Variants in GALNT13 observed in about 807,000 individuals in gnomAD.
The protein encoded by GALNT13 is UDP-GalNAc:polypeptide N-acetylgalactosaminyltransferase 13.
In GALNT13, 28 loss-of-function variants were observed where a neutral mutation model predicts 64.2. The observed-to-expected ratio is 0.44, with a 90% CI of 0.32 to 0.60. The LOEUF (loss-of-function observed/expected upper bound fraction) is 0.60, where lower values mean the gene tolerates loss of function less well. Among genes scored for constraint, GALNT13 ranks in the 20% least tolerant of loss-of-function variants. GALNT13 has a pLI of 0.05. For synonymous variants in GALNT13, 214 were observed against 224.6 expected (o/e 0.95, Z 0.42); for missense variants, 577 against 669.8 (o/e 0.86, Z 1.53).
chr2:153,858,414 A>C, the GALNT13 span, among the ~76,000 whole-genome samples: 1 of 152,150 alleles, frequency 6.6e-6, no homozygotes, highest in Admixed American at 6.6e-5. Flanking sequence ...GTTTAATAAT[A>C]GATTCAAGGA....
At chr2:154,032,810 AAGCTC>A (rs1252298949) in intron 3 of GALNT13, among the ~76,000 whole-genome samples, 1 of 151,278 alleles carries the variant, frequency 6.6e-6, no homozygotes, top group Non-Finnish European at 1.5e-5. Context: ...TATTAGTGGA[AAGCTC>A]AGTGCTTTTC....
intron 6 of GALNT13, among the ~76,000 whole-genome samples, chr2:154,244,835 G>A (rs1689687812): frequency 6.6e-6 from 1 of 152,022 alleles, no homozygotes; most frequent in African/African-American, 2.4e-5. Flanking sequence ...AAGAAAAATG[G>A]GATAGGCCAG....
the GALNT13 span, among the ~76,000 whole-genome samples, chr2:153,803,186 C>T: frequency 2.6e-5 from 4 of 152,168 alleles, no homozygotes; most frequent in South Asian, 2.1e-4. Context: ...ACCCCATGTC[C>T]GAAATTCAGA....
chr2:153,866,413 T>C, the GALNT13 span, among the ~76,000 whole-genome samples: 561 of 152,286 alleles, frequency 3.7e-3, 5 homozygotes, highest in African/African-American at 0.013. Flanking sequence ...CCTCCCTTTA[T>C]AAACAAATAA....
At chr2:153,281,179 A>G in the GALNT13 span, among the ~76,000 whole-genome samples, 1 of 150,378 alleles carries the variant, frequency 6.6e-6, no homozygotes, top group Admixed American at 6.6e-5. Context: ...AAGAATAGTG[A>G]CTCCTGGTAT....
intron 8 of GALNT13, among the ~76,000 whole-genome samples, chr2:154,274,461 C>T (rs1226168857): frequency 2.6e-5 from 4 of 152,136 alleles, no homozygotes; most frequent in Non-Finnish European, 4.4e-5. Context: ...CAAATCTCAT[C>T]TTGAATTGTA....
chr2:154,274,856 G>C (rs1300033328), intron 8 of GALNT13, among the ~76,000 whole-genome samples: 3 of 152,110 alleles, frequency 2.0e-5, no homozygotes, highest in African/African-American at 7.2e-5. Flanking sequence ...CAGAAGACAG[G>C]AAGATGTGGG....
At chr2:154,400,055 G>A (rs773900458) in intron 10 of GALNT13, among the ~76,000 whole-genome samples, 8 of 152,034 alleles carry the variant, frequency 5.3e-5, no homozygotes, top group South Asian at 2.1e-4. Context: ...AATTCACCAA[G>A]CACTACCTCC....
intron 3 of GALNT13, among the ~76,000 whole-genome samples, chr2:154,089,464 A>C (rs143082050): frequency 6.6e-6 from 1 of 151,994 alleles, no homozygotes; most frequent in Non-Finnish European, 1.5e-5. Flanking sequence ...TCACCATAGA[A>C]GTGGGGGGTC....
At chr2:154,252,656 A>G (rs2105890267) in intron 7 of GALNT13, among the ~76,000 whole-genome samples, 1 of 152,140 alleles carries the variant, frequency 6.6e-6, no homozygotes, top group Non-Finnish European at 1.5e-5. Flanking sequence ...ACTCCCCGCT[A>G]GGAAAAATGT....
the GALNT13 span, among the ~76,000 whole-genome samples, chr2:153,541,031 G>T: frequency 1.3e-5 from 2 of 152,064 alleles, no homozygotes; most frequent in South Asian, 4.2e-4. Context: ...ATTTGAGAGG[G>T]GCCAGGGGTG....
At chr2:153,625,005 A>G in the GALNT13 span, among the ~76,000 whole-genome samples, 1 of 152,108 alleles carries the variant, frequency 6.6e-6, no homozygotes, top group East Asian at 1.9e-4. Context: ...TGAGGTCAGA[A>G]TAGAATTGAT....
At chr2:154,419,260 G>A (rs1472378848) in intron 11 of GALNT13, among the ~76,000 whole-genome samples, 1 of 152,228 alleles carries the variant, frequency 6.6e-6, no homozygotes, top group Admixed American at 6.5e-5. Context: ...CCTGCCGAGT[G>A]TTGCCTGGCC....
intron 3 of GALNT13, among the ~76,000 whole-genome samples, chr2:154,055,404 G>A (rs1407861933): frequency 6.6e-6 from 1 of 152,048 alleles, no homozygotes; most frequent in Non-Finnish European, 1.5e-5. Context: ...TATTTATAAT[G>A]TAATCACAAT....
chr2:154,155,122 C>G (rs1684329868), intron 4 of GALNT13, among the ~76,000 whole-genome samples: 1 of 151,934 alleles, frequency 6.6e-6, no homozygotes, highest in African/African-American at 2.4e-5. Flanking sequence ...CTTATGAAAG[C>G]TATAGTAATT....
chr2:154,450,402 CTTTT>C lies in GALNT13; in HGVS notation c.1531-8_1531-5del. ...ATAAGCTGCACTGATTATTGGTTAT[CTTTT>C]ACAGAGACTCACGTTGCGACATGTT... On this transcript the variant is annotated splice_region_variant and splice_polypyrimidine_tract_variant and intron_variant, in intron 12 of 12. Coordinates refer to ENST00000392825, the MANE Select transcript of GALNT13 (RefSeq NM_052917.4). 6.2e-7 allele frequency: 1 copy of C among 1,605,604 alleles called. No homozygotes were observed. The highest frequency in any genetic ancestry group is 8.5e-7 in the Non-Finnish European group (1 of 1,176,394).
At chr2:154,291,233 GTGC>G (rs1289598705) in intron 8 of GALNT13, among the ~76,000 whole-genome samples, 1 of 152,116 alleles carries the variant, frequency 6.6e-6, no homozygotes, top group African/African-American at 2.4e-5. Context: ...TTTTCACAGA[GTGC>G]TGATTGGTGC....
the GALNT13 span, among the ~76,000 whole-genome samples, chr2:153,602,953 C>T: frequency 6.6e-6 from 1 of 151,874 alleles, no homozygotes; most frequent in East Asian, 1.9e-4. Context: ...TTCAACACAA[C>T]TTGATTGCAA....
chr2:153,352,262 G>A, the GALNT13 span, among the ~76,000 whole-genome samples: 1 of 152,098 alleles, frequency 6.6e-6, no homozygotes, highest in Admixed American at 6.5e-5. Context: ...CTTCTTAAGT[G>A]AGGTGCCTGT....
Sources: gnomAD v4.1 joint callset for allele counts (sites outside exome capture counted in the v4.1 genomes callset) on GRCh38, gnomAD v4.1.1 for gene constraint, MANE v1.5 for transcripts, NCBI Gene and HGNC (gene_info 2026-07-23, HGNC 2026-07-21) for gene names.